Variants in ACAT1 observed in about 807,000 individuals in gnomAD.
The protein encoded by ACAT1 is acetyl-CoA acetyltransferase, mitochondrial.
In ACAT1, 28 loss-of-function variants were observed where a neutral mutation model predicts 47.3. The observed-to-expected ratio is 0.59, with a 90% confidence interval of 0.44 to 0.81. ACAT1 has a LOEUF of 0.81. Among genes scored for constraint, ACAT1 ranks in the 30% least tolerant of loss-of-function variants. ACAT1 has a pLI of 0.00. For synonymous variants in ACAT1, 181 were observed against 173.6 expected, an observed-to-expected ratio of 1.04 and a Z score of -0.34; for missense variants, 469 against 524.3, an observed-to-expected ratio of 0.89 and a Z score of 1.03.
chr11:108,133,900 TG>T lies in ACAT1; in HGVS notation c.203del (p.Gly68ValfsTer19). Reference sequence around the variant, plus strand: ...TTTCCTTGCTGCCAGCCACTAAGCTTGGTTCCATTGCAATTCAGGGAGCCAT... The same window carrying T: ...TTTCCTTGCTGCCAGCCACTAAGCTTGTTCCATTGCAATTCAGGGAGCCAT... ...SLSLLPATKLGSIAIQGAIEK... is the reference protein window; with the variant it reads ...SLSLLPATKLXSIAIQGAIEK... On this transcript the variant is annotated frameshift_variant, in exon 3 of 12. Transcript: ENST00000265838. LOFTEE classifies it high-confidence loss of function. 6.2e-7 allele frequency: 1 copy of T among 1,614,156 alleles called. No individual in the cohort carries two copies. The highest frequency in any genetic ancestry group is 8.5e-7 in the Non-Finnish European group (1 of 1,180,024).
In ACAT1 at chr11:108,143,965, C is replaced by T. The variant is rs1254901206; in HGVS notation, c.941-18C>T. On this transcript the variant is annotated intron_variant, in intron 9 of 11. Transcript: ENST00000265838. ...AAAAAAAGATTTTAACAACCCCCCC[C>T]CCCCTTTTTTTAAACAGCATTTGCT... 1.0e-5 allele frequency: 12 copies of T among 1,156,910 alleles called. No homozygotes were observed. Among genetic ancestry groups the T allele is most frequent in the Non-Finnish European group, 1.5e-5 (12 of 808,878 alleles). The allele number at this position is 1,156,910 out of a possible 1,614,324, so 71.7% of individuals were successfully genotyped here. A position where few individuals can be genotyped will look rare whatever the true frequency, so the allele number is the denominator to read the frequency against.
At chr11:108,130,296 G>C (rs1318088654) in intron 1 of ACAT1, among the ~76,000 whole-genome samples, 2 of 152,122 alleles carry the variant, frequency 1.3e-5, no homozygotes, top group African/African-American at 4.8e-5. Flanking sequence ...TAAGTACTTA[G>C]GGTTGTCCTT....
intron 4 of ACAT1, among the ~76,000 whole-genome samples, chr11:108,134,677 A>G (rs150344808): frequency 0.018 from 2,335 of 131,960 alleles, 25 homozygotes; most frequent in Non-Finnish European, 0.026. Context: ...TGGGCATGGT[A>G]GCTCACGCCT....
chr11:108,134,118 A>C, intron 3 of ACAT1, 103 bp from the exon 4 acceptor site: 1 of 1,265,066 alleles, frequency 7.9e-7, no homozygotes. Flanking sequence ...CTGACAAAAA[A>C]AAGAAACCAT....
chr11:108,135,978 G>T, intron 5 of ACAT1: 1 of 481,608 alleles, frequency 2.1e-6, no homozygotes, highest in Non-Finnish European at 3.7e-6. Context: ...CATTGCTTGA[G>T]CCCAGGCTTG....
At chr11:108,134,712 G>A (rs1286264572) in intron 4 of ACAT1, among the ~76,000 whole-genome samples, 2 of 149,762 alleles carry the variant, frequency 1.3e-5, no homozygotes, top group African/African-American at 2.5e-5. Context: ...TTGGGAGGCC[G>A]AGGCGGGTGG....
intron 7 of ACAT1, among the ~76,000 whole-genome samples, chr11:108,140,608 C>T (rs2077566020): frequency 6.6e-6 from 1 of 152,232 alleles, no homozygotes; most frequent in South Asian, 2.1e-4. Flanking sequence ...GACATGCTCT[C>T]TTGGCTTCTC....
intron 2 of ACAT1, among the ~76,000 whole-genome samples, chr11:108,133,198 A>G (rs2077396893): frequency 6.6e-6 from 1 of 152,100 alleles, no homozygotes; most frequent in African/African-American, 2.4e-5. Context: ...TTACATATAA[A>G]AAAAGAAATT....
At chr11:108,135,297 G>C in intron 5 of ACAT1, 55 bp downstream of exon 5, 1 of 1,327,544 alleles carries the variant, frequency 7.5e-7, no homozygotes, top group Non-Finnish European at 1.1e-6. Context: ...AGGGCTAAAA[G>C]ACACAAAAAT....
Position 108,147,367 on chromosome 11 carries a change from G to T in ACAT1, c.1261G>T (p.Ala421Ser). Reference protein sequence around the residue: ...SICNGGGGASAMLIQKL With the variant: ...SICNGGGGASSMLIQKL The stretch of plus-strand genomic sequence containing the variant: ...TTGCAATGGAGGAGGAGGTGCTTCT[G>T]CCATGCTAATTCAGAAGCTGTAGAC... The change falls in exon 12 of 12, where the codon GCC becomes TCC. Residue 421 changes from alanine to serine, a missense_variant. Transcript: ENST00000265838. 1 of 1,613,836 alleles carries T rather than the reference G, an allele frequency of 6.2e-7. No individual in the cohort carries two copies. The highest frequency in any genetic ancestry group is 8.5e-7 in the Non-Finnish European group (1 of 1,179,848).
chr11:108,132,078 GCTAA>G lies in ACAT1; in HGVS notation c.120+128_120+131del, dbSNP rs2077371592. On this transcript the variant is annotated intron_variant, in intron 2 of 11. Coordinates refer to ENST00000265838, the MANE Select transcript of ACAT1 (RefSeq NM_000019.4). ...CAGGATTATGTAACAGTTAGGAATAGCTAACTATTCAAATATTCAGTTAAAGTAG... is the reference window on the plus strand; with the variant it reads ...CAGGATTATGTAACAGTTAGGAATAGCTATTCAAATATTCAGTTAAAGTAG... 5.2e-6 allele frequency: 3 copies of G among 574,266 alleles called. No individual in the cohort carries two copies. The East Asian group carries it at 9.6e-5, about 18-fold the overall frequency. 35.6% of individuals were successfully genotyped at this position (574,266 alleles called of 1,614,324 possible).
upstream of ACAT1, among the ~76,000 whole-genome samples, chr11:108,119,938 G>A (rs772915262): frequency 4.6e-5 from 7 of 152,188 alleles, 1 homozygote; most frequent in Non-Finnish European, 8.8e-5. Flanking sequence ...TACCCTGGCC[G>A]CGTGCAGTGG....
intron 1 of ACAT1, among the ~76,000 whole-genome samples, chr11:108,131,187 T>C (rs1248831421): frequency 6.6e-6 from 1 of 152,076 alleles, no homozygotes; most frequent in African/African-American, 2.4e-5. Context: ...GTTTGCCTCA[T>C]ATAAATCAGA....
Position 108,138,749 on chromosome 11 carries a change from TGGTAAAGAG to T in ACAT1, c.436-144_436-136del. ...ACCATTTCTTTTCATCAGGGTGAAGTGGTAAAGAGGGTACTTCCTGTATTCACTGTGTAA... is the reference window on the plus strand; with the variant it reads ...ACCATTTCTTTTCATCAGGGTGAAGTGGTACTTCCTGTATTCACTGTGTAA... On this transcript the variant is annotated intron_variant, in intron 5 of 11. Transcript: ENST00000265838. The T allele has an allele frequency of 3.4e-6, 3 of 893,664 alleles. No individual in the cohort carries two copies. The South Asian group carries it at 4.2e-5, about 12-fold the overall frequency. 55.4% of individuals were successfully genotyped at this position (893,664 alleles called of 1,614,324 possible). A position where few individuals can be genotyped will look rare whatever the true frequency, so the allele number is the denominator to read the frequency against.
At chr11:108,138,092 C>G (rs2077502247) in intron 5 of ACAT1, among the ~76,000 whole-genome samples, 1 of 141,910 alleles carries the variant, frequency 7.0e-6, no homozygotes, top group African/African-American at 2.6e-5. Context: ...AGGTTCACGC[C>G]ATTCTCTTGC....
In ACAT1 at chr11:108,142,423, AT is replaced by A. The variant is rs1157640138; in HGVS notation, c.827-9del. On this transcript the variant is annotated splice_polypyrimidine_tract_variant and intron_variant, in intron 8 of 11. Transcript: ENST00000265838. ...GAAGGAATGTTTTGACTTCAACCTC[AT>A]TTTTGCTTTCAGGCACAGTAACAGC... The A allele has an allele frequency of 1.2e-6, 2 of 1,606,762 alleles. No homozygotes were observed. The highest frequency in any genetic ancestry group is 8.5e-7 in the Non-Finnish European group (1 of 1,173,690).
chr11:108,135,353 A>G, intron 5 of ACAT1, 111 bp downstream of exon 5: 1 of 833,472 alleles, frequency 1.2e-6, no homozygotes, highest in African/African-American at 1.7e-5. Context: ...CTCATAAGTT[A>G]GTATGTTTTC....
intron 8 of ACAT1, among the ~76,000 whole-genome samples, chr11:108,141,993 A>G (rs2077597814): frequency 6.6e-6 from 1 of 152,256 alleles, no homozygotes; most frequent in African/African-American, 2.4e-5. Flanking sequence ...TTTATATACC[A>G]TAATAACATT....
chr11:108,122,317 C>A (rs369048605), intron 1 of ACAT1, among the ~76,000 whole-genome samples: 1 of 152,226 alleles, frequency 6.6e-6, no homozygotes, highest in Non-Finnish European at 1.5e-5. Context: ...ACAGCAGGGG[C>A]AGAGTCTCAA....
Sources: gnomAD v4.1 joint callset for allele counts (sites outside exome capture counted in the v4.1 genomes callset) on GRCh38, gnomAD v4.1.1 for gene constraint, MANE v1.5 for transcripts, NCBI Gene and HGNC (gene_info 2026-07-23, HGNC 2026-07-21) for gene names.